Variants in MACROD1 observed in about 807,000 individuals in gnomAD.
The protein encoded by MACROD1 is ADP-ribose glycohydrolase MACROD1.
A neutral mutation model predicts 41.4 loss-of-function variants in MACROD1; 31 were observed. That is an observed-to-expected ratio of 0.75 (90% CI 0.56 to 1.01). The LOEUF (loss-of-function observed/expected upper bound fraction) is 1.01, where lower values mean the gene tolerates loss of function less well. Ranked by LOEUF, MACROD1 falls within the 50% of genes least tolerant of loss-of-function variation. The pLI, the probability that MACROD1 is intolerant of heterozygous loss-of-function variation, is 0.00. For missense variants in MACROD1, 473 were observed against 460.0 expected, an observed-to-expected ratio of 1.03 and a Z score of -0.26; for synonymous variants, 252 against 203.4, an observed-to-expected ratio of 1.24 and a Z score of -2.03.
chr11:64,144,422 T>C (rs750292361), intron 3 of MACROD1, among the ~76,000 whole-genome samples: 1 of 152,204 alleles, frequency 6.6e-6, no homozygotes, highest in Non-Finnish European at 1.5e-5. Context: ...TCTATGTATG[T>C]TGCATGGATG....
At chr11:64,135,399 T>C (rs1590955936) in intron 3 of MACROD1, among the ~76,000 whole-genome samples, 1 of 152,020 alleles carries the variant, frequency 6.6e-6, no homozygotes, top group African/African-American at 2.4e-5. Flanking sequence ...GCTCTGGAGG[T>C]CACCATGTCC....
At chr11:64,018,040 C>A (rs1368830151) in intron 3 of MACROD1, among the ~76,000 whole-genome samples, 1 of 152,106 alleles carries the variant, frequency 6.6e-6, no homozygotes, top group Non-Finnish European at 1.5e-5. Flanking sequence ...TGACGCCAAC[C>A]CGGCCAGAGC....
intron 1 of MACROD1, among the ~76,000 whole-genome samples, chr11:64,160,808 C>T (rs1450672382): frequency 1.6e-5 from 2 of 126,680 alleles, no homozygotes; most frequent in African/African-American, 5.9e-5. Context: ...AGAATGAGAC[C>T]ATATCTAAAA....
chr11:64,114,209 T>C (rs956886734), intron 3 of MACROD1, among the ~76,000 whole-genome samples: 2 of 150,474 alleles, frequency 1.3e-5, no homozygotes, highest in Non-Finnish European at 3.0e-5. Context: ...GATGGATGGA[T>C]GGATGGATGA....
In MACROD1 at chr11:64,117,218, G is replaced by A. The variant is rs140370010; in HGVS notation, c.517+34021C>T. On this transcript the variant is annotated intron_variant, in intron 3 of 10. Transcript: ENST00000255681. ...TGCCCCGCGGCCTGTTCGACGACCT[G>A]GGGAACCTGGCCCAGCTGCTGCTCA... The A allele has an allele frequency of 1.4e-4, 221 of 1,614,038 alleles. 2 individuals carry two copies. The highest frequency in any genetic ancestry group is 1.7e-4 in the Non-Finnish European group (206 of 1,180,024).
rs372480512 is a variant in MACROD1 at position 64,005,274 on chromosome 11, C to T, written c.548-4931G>A. On this transcript the variant is annotated intron_variant, in intron 4 of 10. Coordinates refer to ENST00000255681, the MANE Select transcript of MACROD1 (RefSeq NM_014067.4). ...TGAACTCCTGACCTTGTGATCCGCC[C>T]GCCTCGGCCTCCCAAAGTGCTGGGA... 2.1e-3 allele frequency among the ~76,000 whole-genome samples: 327 copies of T among 152,266 alleles called. 9 individuals are homozygous for T. The East Asian group carries it at 0.045, about 21-fold the overall frequency.
chr11:64,065,561 G>A (rs992901582), intron 3 of MACROD1, among the ~76,000 whole-genome samples: 1 of 152,010 alleles, frequency 6.6e-6, no homozygotes, highest in East Asian at 1.9e-4. Flanking sequence ...AGGCCAAGGT[G>A]GGCGAATCAC....
chr11:64,014,615 G>T (rs61884697), intron 4 of MACROD1, among the ~76,000 whole-genome samples: 1 of 152,170 alleles, frequency 6.6e-6, no homozygotes, highest in Non-Finnish European at 1.5e-5. Context: ...CTGAGGGGCT[G>T]GTGTGGTCTG....
At chr11:64,138,427 C>T (rs1945361443) in intron 3 of MACROD1, 10 of 819,504 alleles carry the variant, frequency 1.2e-5, no homozygotes, top group Non-Finnish European at 1.5e-5. Flanking sequence ...TCACAAATGT[C>T]AATTCTGGGC....
intron 3 of MACROD1, among the ~76,000 whole-genome samples, chr11:64,127,138 G>A (rs1945196036): frequency 6.6e-6 from 1 of 152,160 alleles, no homozygotes; most frequent in South Asian, 2.1e-4. Flanking sequence ...ACCGCCCTTT[G>A]GCCTCCTTCT....
chr11:64,083,591 C>T (rs757557629), intron 3 of MACROD1, among the ~76,000 whole-genome samples: 8 of 152,162 alleles, frequency 5.3e-5, no homozygotes, highest in Admixed American at 6.5e-5. Flanking sequence ...CAAATCCTTT[C>T]GAGAACGAGC....
Position 64,036,276 on chromosome 11 carries a change from C to G in MACROD1, c.518-20995G>C. ...ACCGAAGCGCCACGGGGTCAGGCAG[C>G]CTGGCTTTGCCCCAGAGCGGCGGGA... On this transcript the variant is annotated intron_variant, in intron 3 of 10. Coordinates refer to ENST00000255681, the MANE Select transcript of MACROD1 (RefSeq NM_014067.4). This position sits in a 1 kb window ranked among gnomAD's most constrained non-coding sequence, Gnocchi z 5.6. 6.6e-6 allele frequency: 1 copy of G among 152,226 alleles called. No individual in the cohort carries two copies. Among genetic ancestry groups the G allele is most frequent in the Non-Finnish European group, 1.5e-5 (1 of 68,118 alleles). The allele number at this position is 152,226 out of a possible 1,614,324, so 9.4% of individuals were successfully genotyped here. A position where few individuals can be genotyped will look rare whatever the true frequency, so the allele number is the denominator to read the frequency against.
chr11:64,005,310 G>C (rs1052481547), intron 4 of MACROD1, among the ~76,000 whole-genome samples: 1 of 152,232 alleles, frequency 6.6e-6, no homozygotes, highest in Admixed American at 6.5e-5. Flanking sequence ...TTATAGGCGT[G>C]AGCCACCGCG....
intron 1 of MACROD1, 39 bp from the exon 2 acceptor site, chr11:64,152,432 G>A: frequency 6.6e-7 from 1 of 1,522,772 alleles, no homozygotes; most frequent in East Asian, 2.2e-5. Context: ...GGGGGCAGAG[G>A]AACGGGCCTG....
chr11:64,143,892 T>C (rs1945453611), intron 3 of MACROD1, among the ~76,000 whole-genome samples: 1 of 151,966 alleles, frequency 6.6e-6, no homozygotes, highest in African/African-American at 2.4e-5. Flanking sequence ...GTTTCACATC[T>C]CTGAGCCTCC....
At chr11:64,131,637 T>C (rs1017851069) in intron 3 of MACROD1, among the ~76,000 whole-genome samples, 1 of 152,094 alleles carries the variant, frequency 6.6e-6, no homozygotes, top group African/African-American at 2.4e-5. Context: ...CTCAGGATGT[T>C]TTCTGAAGGC....
At chr11:64,071,020 C>T (rs1231086040) in intron 3 of MACROD1, among the ~76,000 whole-genome samples, 2 of 152,086 alleles carry the variant, frequency 1.3e-5, no homozygotes, top group African/African-American at 4.8e-5. Context: ...GTTCACAGAG[C>T]GGCCATACTC....
Position 64,082,266 on chromosome 11 carries a change from G to C in MACROD1, c.518-66985C>G, listed in dbSNP as rs1944317477. 6.6e-6 allele frequency among the ~76,000 whole-genome samples: 1 copy of C among 152,136 alleles called. No individual in the cohort carries two copies. The highest frequency in any genetic ancestry group is 2.1e-4 in the South Asian group (1 of 4,820). ...GCTTAGCAGAGGATGGCTGAGCCTG[G>C]GGGGTGGAGAAAATCTTGCCTCCTG... On this transcript the variant is annotated intron_variant, in intron 3 of 10. Coordinates refer to ENST00000255681, the MANE Select transcript of MACROD1 (RefSeq NM_014067.4). This position sits in a 1 kb window ranked among gnomAD's most constrained non-coding sequence, Gnocchi z 4.5.
intron 3 of MACROD1, among the ~76,000 whole-genome samples, chr11:64,080,537 T>C (rs767197204): frequency 2.6e-5 from 4 of 152,144 alleles, no homozygotes; most frequent in Admixed American, 6.6e-5. Context: ...AATAAGCACC[T>C]AAATCAAAGA....
Sources: gnomAD v4.1 joint callset for allele counts (sites outside exome capture counted in the v4.1 genomes callset) on GRCh38, gnomAD v4.1.1 for gene constraint, Gnocchi (gnomAD v3.1) non-coding constraint, MANE v1.5 for transcripts, NCBI Gene and HGNC (gene_info 2026-07-23, HGNC 2026-07-21) for gene names.